The following EYS variants were observed in gnomAD, a reference collection of about 807,000 sequenced individuals.
EYS encodes protein eyes shut homolog.
In EYS, 250 loss-of-function variants were observed where a neutral mutation model predicts 282.1. That is an observed-to-expected ratio of 0.89 (90% CI 0.80 to 0.98). The LOEUF (loss-of-function observed/expected upper bound fraction) is 0.98. EYS is among the 50% of genes least tolerant of loss of function. The pLI is 0.00. For missense variants in EYS, 4,016 were observed against 3,709.0 expected, an observed-to-expected ratio of 1.08 and a Z score of -2.15; for synonymous variants, 1,355 against 1,282.9, an observed-to-expected ratio of 1.06 and a Z score of -1.20.
At chr6:64,136,933 C>G (rs1774179141) in intron 31 of EYS, among the ~76,000 whole-genome samples, 1 of 152,146 alleles carries the variant, frequency 6.6e-6, no homozygotes, top group African/African-American at 2.4e-5. Context: ...AGCTTTGAAG[C>G]CAGAAATTAA....
intron 14 of EYS, among the ~76,000 whole-genome samples, chr6:64,995,632 A>G (rs1222297074): frequency 6.6e-6 from 1 of 152,120 alleles, no homozygotes; most frequent in Admixed American, 6.6e-5. Context: ...GATAATTTCA[A>G]TAGTCTCCTT....
intron 36 of EYS, among the ~76,000 whole-genome samples, chr6:63,853,763 A>T (rs1057429828): frequency 2.0e-5 from 3 of 152,204 alleles, no homozygotes; most frequent in African/African-American, 7.2e-5. Context: ...CCAAAACAGC[A>T]TGGTACTGGT....
At chr6:64,682,005 A>C (rs1338322546) in intron 22 of EYS, among the ~76,000 whole-genome samples, 1 of 152,180 alleles carries the variant, frequency 6.6e-6, no homozygotes, top group East Asian at 1.9e-4. Flanking sequence ...AAATGATAGA[A>C]CACAGATAAG....
chr6:65,536,754 TA>T (rs1357353084), intron 2 of EYS, among the ~76,000 whole-genome samples: 2 of 151,980 alleles, frequency 1.3e-5, no homozygotes, highest in Non-Finnish European at 2.9e-5. Context: ...ATAAAAGACA[TA>T]AAGCATGCAC....
chr6:63,914,745 C>T (rs975110856), intron 35 of EYS, among the ~76,000 whole-genome samples: 2 of 150,532 alleles, frequency 1.3e-5, no homozygotes, highest in African/African-American at 4.9e-5. Flanking sequence ...CAAAACAACT[C>T]TATTGCTGAT....
At chr6:63,777,615 A>T (rs570667290) in intron 40 of EYS, 1 of 162,262 alleles carries the variant, frequency 6.2e-6, no homozygotes, top group East Asian at 1.8e-4. Flanking sequence ...GTAGTTCAGA[A>T]GTCAAATTGT....
intron 19 of EYS, among the ~76,000 whole-genome samples, chr6:64,883,159 T>C (rs1306440043): frequency 6.6e-6 from 1 of 151,470 alleles, no homozygotes; most frequent in Non-Finnish European, 1.5e-5. Flanking sequence ...CAAGGCAGAT[T>C]GTTTTACTTC....
intron 37 of EYS, among the ~76,000 whole-genome samples, chr6:63,802,617 T>A (rs1770808202): frequency 3.9e-5 from 6 of 152,126 alleles, no homozygotes. Context: ...TGTGAAGAGC[T>A]CTTATTTGGA....
chr6:64,580,385 A>G (rs549879359), intron 26 of EYS, among the ~76,000 whole-genome samples: 1 of 152,282 alleles, frequency 6.6e-6, no homozygotes, highest in South Asian at 2.1e-4. Context: ...TTTTTTTCAC[A>G]GAAGTCTTCC....
At chr6:65,655,798 G>T (rs1037682092) in intron 1 of EYS, among the ~76,000 whole-genome samples, 14 of 151,788 alleles carry the variant, frequency 9.2e-5, no homozygotes, top group African/African-American at 3.4e-4. Flanking sequence ...ATGGTTTCTT[G>T]AGATGTAATC....
In EYS at chr6:64,694,293, A is replaced by G. The variant is rs146110868; in HGVS notation, c.3444-68048T>C. Among the ~76,000 whole-genome samples the G allele has an allele frequency of 4.2e-4, 64 of 152,328 alleles. No homozygotes were observed. The East Asian group carries it at 0.011, about 27-fold the overall frequency. The stretch of plus-strand genomic sequence containing the variant: ...TGGGGTCACAACATAAAAGTTAAAA[A>G]ACCATTGAATGCTTTTAAAAATAAG... On this transcript the variant is annotated intron_variant, in intron 22 of 42. Transcript: ENST00000503581.
At chr6:65,088,707 A>G (rs773759637) in intron 12 of EYS, among the ~76,000 whole-genome samples, 40 of 152,188 alleles carry the variant, frequency 2.6e-4, no homozygotes, top group African/African-American at 9.6e-4. Flanking sequence ...AAGGAGCCCA[A>G]TGATAATCAC....
chr6:65,479,660 AAATT>A, intron 5 of EYS, among the ~76,000 whole-genome samples: 1 of 152,304 alleles, frequency 6.6e-6, no homozygotes, highest in East Asian at 1.9e-4. Flanking sequence ...TGAAATGCGA[AAATT>A]AACTGAGTGG....
At chr6:64,252,570 A>G (rs1316031769) in intron 30 of EYS, among the ~76,000 whole-genome samples, 1 of 152,152 alleles carries the variant, frequency 6.6e-6, no homozygotes, top group East Asian at 1.9e-4. Flanking sequence ...TATTAAGTTT[A>G]ATCTTCTTAC....
In EYS at chr6:63,921,544, C is replaced by T. The variant is rs150749521; in HGVS notation, c.7056-57186G>A. 7.6e-3 allele frequency among the ~76,000 whole-genome samples: 1,155 copies of T among 152,304 alleles called. 19 individuals are homozygous for T. The highest frequency in any genetic ancestry group is 0.03 in the South Asian group (144 of 4,826). On this transcript the variant is annotated intron_variant, in intron 35 of 42. Transcript: ENST00000503581. ...CGGTGGCAATTCTTGCTGGTTCACA[C>T]TCCCGCTGACGCATCTGTGACTCGA...
chr6:64,714,873 C>T (rs1409504877), intron 22 of EYS, among the ~76,000 whole-genome samples: 1 of 152,088 alleles, frequency 6.6e-6, no homozygotes, highest in Admixed American at 6.6e-5. Flanking sequence ...GATGAGACCA[C>T]CCCCTCTACC....
chr6:65,448,505 C>A (rs1345852714), intron 5 of EYS, among the ~76,000 whole-genome samples: 1 of 152,000 alleles, frequency 6.6e-6, no homozygotes, highest in Non-Finnish European at 1.5e-5. Flanking sequence ...TAACACTTGT[C>A]CATTACTGCT....
chr6:65,593,335 G>A (rs1174791185), intron 2 of EYS, among the ~76,000 whole-genome samples: 1 of 151,932 alleles, frequency 6.6e-6, no homozygotes, highest in African/African-American at 2.4e-5. Flanking sequence ...AGATCAAATG[G>A]AGACTTTTTG....
intron 26 of EYS, among the ~76,000 whole-genome samples, chr6:64,532,556 A>C: frequency 6.6e-6 from 1 of 152,030 alleles, no homozygotes; most frequent in East Asian, 1.9e-4. Context: ...AAAAATACAA[A>C]AAATTAGCTG....
Sources: gnomAD v4.1 joint callset for allele counts (sites outside exome capture counted in the v4.1 genomes callset) on GRCh38, gnomAD v4.1.1 for gene constraint, MANE v1.5 for transcripts, NCBI Gene and HGNC (gene_info 2026-07-23, HGNC 2026-07-21) for gene names.